ASTN1: variants seen among roughly 807,000 people sequenced by gnomAD.
The protein encoded by ASTN1 is astrotactin-1.
A neutral mutation model predicts 140.7 loss-of-function variants in ASTN1; 41 were observed. That is an observed-to-expected ratio of 0.29 (90% confidence interval 0.23 to 0.38). ASTN1 has a LOEUF of 0.38. ASTN1 is among the 10% of genes least tolerant of loss of function. The pLI is 1.00. For missense variants in ASTN1, 1,479 were observed against 1,678.8 expected (o/e 0.88, Z 2.08); for synonymous variants, 640 against 652.2 (o/e 0.98, Z 0.29).
At chr1:177,107,041 G>T (rs535970547) in intron 1 of ASTN1, among the ~76,000 whole-genome samples, 4 of 149,584 alleles carry the variant, frequency 2.7e-5, no homozygotes, top group African/African-American at 1.0e-4. Context: ...TAGCTAATTT[G>T]GGGCAGCTGG....
chr1:176,861,289 T>G lies in ASTN1; in HGVS notation c.*2995A>C. ...CTAAAAAATAATGAACGGACCAAAC[T>G]CCATGGAAAACGATTGCACACTCAA... On this transcript the variant is annotated 3_prime_UTR_variant, in exon 23 of 23. Transcript: ENST00000361833. 1 of 985,676 alleles carries G rather than the reference T, an allele frequency of 1.0e-6. No individual in the cohort carries two copies. Among genetic ancestry groups the G allele is most frequent in the South Asian group, 4.7e-5 (1 of 21,274 alleles). The allele number at this position is 985,676 out of a possible 1,614,324, so 61.1% of individuals were successfully genotyped here. A position where few individuals can be genotyped will look rare whatever the true frequency, so the allele number is the denominator to read the frequency against.
chr1:176,956,557 C>G (rs1336510846), intron 11 of ASTN1, among the ~76,000 whole-genome samples: 1 of 152,204 alleles, frequency 6.6e-6, no homozygotes, highest in Non-Finnish European at 1.5e-5. Context: ...ATATCCTCCC[C>G]AGAGCTGGAA....
At chr1:177,068,471 A>G (rs1454373211) in intron 1 of ASTN1, among the ~76,000 whole-genome samples, 1 of 152,182 alleles carries the variant, frequency 6.6e-6, no homozygotes, top group African/African-American at 2.4e-5. Context: ...ATTACCCTTA[A>G]AGGCAAAAAC....
At chr1:177,117,637 T>A (rs1681159363) in intron 1 of ASTN1, among the ~76,000 whole-genome samples, 1 of 152,162 alleles carries the variant, frequency 6.6e-6, no homozygotes, top group African/African-American at 2.4e-5. Flanking sequence ...AAAGTTCAAA[T>A]TGGTTAGCAT....
chr1:176,953,462 T>C (rs980186811), intron 11 of ASTN1, among the ~76,000 whole-genome samples: 9 of 152,238 alleles, frequency 5.9e-5, no homozygotes, highest in Admixed American at 2.0e-4. Context: ...CCCAAACTTT[T>C]TGATGGGCTC....
intron 14 of ASTN1, among the ~76,000 whole-genome samples, chr1:176,939,753 C>T (rs1445483808): frequency 6.7e-6 from 1 of 148,842 alleles, no homozygotes; most frequent in Admixed American, 6.8e-5. Flanking sequence ...AAAAGAATGA[C>T]TGAACAGACT....
chr1:176,863,757 A>G lies in ASTN1; in HGVS notation c.*527T>C. On this transcript the variant is annotated 3_prime_UTR_variant, in exon 23 of 23. Coordinates refer to ENST00000361833, the MANE Select transcript of ASTN1 (RefSeq NM_004319.3). ...AAACCAGGAGACACAGACAAGGGCC[A>G]CCTTCCTCAATTTTCTATTGTCTCT... 1 of 987,202 alleles carries G rather than the reference A, an allele frequency of 1.0e-6. No individual in the cohort carries two copies. 61.2% of individuals were successfully genotyped at this position (987,202 alleles called of 1,614,324 possible).
intron 1 of ASTN1, among the ~76,000 whole-genome samples, chr1:177,144,754 A>G (rs1259336839): frequency 6.6e-6 from 1 of 151,898 alleles, no homozygotes; most frequent in Non-Finnish European, 1.5e-5. Flanking sequence ...CAGATGCTTT[A>G]GACTAGAAAA....
At chr1:177,116,913 C>A (rs1014257548) in intron 1 of ASTN1, among the ~76,000 whole-genome samples, 1 of 152,222 alleles carries the variant, frequency 6.6e-6, no homozygotes, top group Admixed American at 6.5e-5. Context: ...TCCACTCCTC[C>A]CCAGGGGACC....
intron 8 of ASTN1, among the ~76,000 whole-genome samples, chr1:176,995,849 T>TA (rs934598993): frequency 3.3e-5 from 5 of 152,004 alleles, no homozygotes; most frequent in African/African-American, 1.2e-4. Flanking sequence ...AAGTGAGAGA[T>TA]AAAATGCCAG....
At position 177,024,571 on chromosome 1, in the gene ASTN1, G is replaced by A; in HGVS notation, c.1270+12C>T. The A allele has an allele frequency of 6.2e-7, 1 of 1,612,842 alleles. No individual in the cohort carries two copies. On this transcript the variant is annotated intron_variant, in intron 6 of 22. Transcript: ENST00000361833. Reference sequence around the variant, plus strand: ...GGGGGGCAAGGTCGCATCCTCAGAAGAACAGGCTCACCATCAGCAATCAGG... The same window carrying A: ...GGGGGGCAAGGTCGCATCCTCAGAAAAACAGGCTCACCATCAGCAATCAGG...
intron 2 of ASTN1, among the ~76,000 whole-genome samples, chr1:177,042,612 CAT>C (rs1292334770): frequency 2.0e-4 from 31 of 152,318 alleles, no homozygotes; most frequent in Non-Finnish European, 4.4e-4. Context: ...ACATGCCAGA[CAT>C]AGCACCTAAT....
chr1:177,022,321 C>T (rs985518570), intron 7 of ASTN1, among the ~76,000 whole-genome samples: 7 of 152,148 alleles, frequency 4.6e-5, no homozygotes, highest in African/African-American at 7.2e-5. Context: ...ACTCCAGCAA[C>T]GTTTAGCTTG....
In ASTN1 at chr1:176,882,902, T is replaced by C. The variant is rs543579922; in HGVS notation, c.3319A>G (p.Ile1107Val). The change falls in exon 20 of 23, where the codon ATC becomes GTC. Residue 1107 changes from isoleucine (I) to valine (V), a missense_variant. This residue lies in a region of ASTN1 where 746 missense variants were observed against 800.9 expected (regional missense o/e 0.93). Coordinates refer to ENST00000361833, the MANE Select transcript of ASTN1 (RefSeq NM_004319.3). ...TCCAGGCATCGTATGATCAGAGAGATGGTGGTGAGCTGCTTGTCCGGCACC... is the reference window on the plus strand; with the variant it reads ...TCCAGGCATCGTATGATCAGAGAGACGGTGGTGAGCTGCTTGTCCGGCACC... ...SQVPDKQLTT[I>V]SLIIRCLEPD... The C allele has an allele frequency of 4.5e-4, 721 of 1,614,066 alleles. 4 individuals carry two copies. In the South Asian group the frequency reaches 7.6e-3, roughly 17 times the overall value.
At chr1:176,911,051 T>C (rs909863846) in intron 16 of ASTN1, among the ~76,000 whole-genome samples, 3 of 152,262 alleles carry the variant, frequency 2.0e-5, no homozygotes, top group East Asian at 3.8e-4. Context: ...ATATTGTTCC[T>C]AGGCTATAAA....
intron 16 of ASTN1, among the ~76,000 whole-genome samples, chr1:176,920,505 C>T (rs556878296): frequency 7.4e-4 from 113 of 152,338 alleles, no homozygotes; most frequent in African/African-American, 2.5e-3. Context: ...TTTCCCCTTA[C>T]AGTGCCTTTC....
rs777841647 is a variant in ASTN1, at chr1:176,936,312, C to A, written c.2436G>T (p.Arg812=). The part of the protein sequence containing the change: ...GYPVLQHWKV[R]SVMYHIKLNQ... The stretch of plus-strand genomic sequence containing the variant: ...TGAGTTTGATGTGGTACATCACAGA[C>A]CGGACCTTCCAGTGCTGCAGCACAG... The change falls in exon 15 of 23, where the codon CGG becomes CGT. Residue 812 remains arginine, a synonymous_variant. Coordinates refer to ENST00000361833, the MANE Select transcript of ASTN1 (RefSeq NM_004319.3). The A allele has an allele frequency of 4.3e-6, 7 of 1,613,950 alleles. No individual in the cohort carries two copies. Among genetic ancestry groups the A allele is most frequent in the Non-Finnish European group, 5.9e-6 (7 of 1,179,984 alleles).
intron 2 of ASTN1, among the ~76,000 whole-genome samples, chr1:177,047,260 A>T (rs867924243): frequency 3.9e-5 from 6 of 152,238 alleles, no homozygotes; most frequent in Non-Finnish European, 8.8e-5. Flanking sequence ...GAGTAGAAAG[A>T]GGTGGCCTCA....
intron 21 of ASTN1, among the ~76,000 whole-genome samples, chr1:176,874,099 A>G (rs1245273743): frequency 6.6e-6 from 1 of 152,044 alleles, no homozygotes; most frequent in Non-Finnish European, 1.5e-5. Flanking sequence ...AGGCTGTACT[A>G]CCTGCAAGGA....
Sources: allele counts gnomAD v4.1 joint callset (sites outside exome capture counted in the v4.1 genomes callset), GRCh38; gene constraint gnomAD v4.1.1; regional missense constraint gnomAD v4.1.1; transcripts MANE v1.5; gene names NCBI Gene and HGNC (gene_info 2026-07-23, HGNC 2026-07-21).